Variants in HUNK observed in about 807,000 individuals in gnomAD.
HUNK encodes hormonally up-regulated neu tumor-associated kinase.
In HUNK, 21 loss-of-function variants were observed where a neutral mutation model predicts 61.0. The observed-to-expected ratio is 0.34, with a 90% CI of 0.24 to 0.50. The LOEUF (loss-of-function observed/expected upper bound fraction) is 0.50. Ranked by LOEUF, HUNK falls within the 20% of genes least tolerant of loss-of-function variation. HUNK has a pLI of 0.98. For missense variants in HUNK, 772 were observed against 945.7 expected, an observed-to-expected ratio of 0.82 and a Z score of 2.41; for synonymous variants, 371 against 386.1, an observed-to-expected ratio of 0.96 and a Z score of 0.46.
intron 5 of HUNK, among the ~76,000 whole-genome samples, chr21:31,962,094 G>A (rs1163559141): frequency 6.6e-6 from 1 of 152,222 alleles, no homozygotes; most frequent in Non-Finnish European, 1.5e-5. Context: ...GAAAGGGAAA[G>A]AGAAAGAGAA....
intron 1 of HUNK, among the ~76,000 whole-genome samples, chr21:31,910,635 T>A (rs1271660585): frequency 6.6e-6 from 1 of 152,010 alleles, no homozygotes; most frequent in Admixed American, 6.6e-5. Flanking sequence ...ATTACAGGCA[T>A]GCGCCACCAC....
intron 1 of HUNK, among the ~76,000 whole-genome samples, chr21:31,908,110 T>TA (rs2052520199): frequency 6.6e-6 from 1 of 152,092 alleles, no homozygotes; most frequent in Admixed American, 6.5e-5. Context: ...GACTATTGTA[T>TA]AAAAGCATTT....
At chr21:31,874,337 C>T (rs906029461) in intron 1 of HUNK, among the ~76,000 whole-genome samples, 3 of 39,730 alleles carry the variant, frequency 7.6e-5, no homozygotes, top group Admixed American at 2.2e-4. Flanking sequence ...TGTCGGGGGG[C>T]GGGGGGGGCA....
chr21:31,926,463 C>CG (rs35301828), intron 2 of HUNK, among the ~76,000 whole-genome samples: 45,315 of 151,816 alleles, frequency 0.3, 8,039 homozygotes, highest in African/African-American at 0.5. Context: ...TATTACCCCC[C>CG]GCAAAAGAAA....
intron 3 of HUNK, among the ~76,000 whole-genome samples, chr21:31,945,385 C>T (rs2052795088): frequency 6.6e-6 from 1 of 152,168 alleles, no homozygotes; most frequent in Non-Finnish European, 1.5e-5. Flanking sequence ...CATGAGGTCG[C>T]TTAGTCTAGT....
chr21:31,931,665 A>T (rs2052697352), intron 2 of HUNK, among the ~76,000 whole-genome samples: 1 of 151,066 alleles, frequency 6.6e-6, no homozygotes, highest in African/African-American at 2.4e-5. Flanking sequence ...CAGCCTCCTC[A>T]CTCGGGGTGT....
chr21:31,947,548 C>T (rs1367754583), intron 4 of HUNK, among the ~76,000 whole-genome samples: 1 of 152,224 alleles, frequency 6.6e-6, no homozygotes, highest in Non-Finnish European at 1.5e-5. Flanking sequence ...CTCCTGTCTC[C>T]CCAGCCAGCA....
intron 5 of HUNK, among the ~76,000 whole-genome samples, chr21:31,965,902 A>G (rs930032915): frequency 6.6e-6 from 1 of 151,960 alleles, no homozygotes; most frequent in Non-Finnish European, 1.5e-5. Flanking sequence ...GCTCCTGGCA[A>G]TATTTCCTTT....
Position 31,968,320 on chromosome 21 carries a change from G to T in HUNK, c.945G>T (p.Leu315=). 1.2e-6 allele frequency: 2 copies of T among 1,614,208 alleles called. No homozygotes were observed. Among genetic ancestry groups the T allele is most frequent in the Non-Finnish European group, 1.7e-6 (2 of 1,180,036 alleles). Reference sequence around the variant, plus strand: ...AGAGGCCAAATATTCAGCAGGCACTGGCGAATCGCTGGCTTAATGAGAATT... The same window carrying T: ...AGAGGCCAAATATTCAGCAGGCACTTGCGAATCGCTGGCTTAATGAGAATT... ...PVKRPNIQQA[L]ANRWLNENYT... Residue 315 remains leucine, a synonymous_variant, in exon 6 of 11, where the codon CTG becomes CTT. Coordinates refer to ENST00000270112, the MANE Select transcript of HUNK (RefSeq NM_014586.2).
intron 9 of HUNK, among the ~76,000 whole-genome samples, chr21:31,994,016 G>A (rs1027008045): frequency 3.3e-5 from 5 of 152,184 alleles, no homozygotes; most frequent in South Asian, 2.1e-4. Context: ...GAAAATCCGC[G>A]TTTCCACCGG....
At chr21:31,968,064 G>T (rs547621528) in intron 5 of HUNK, among the ~76,000 whole-genome samples, 186 bp from the exon 6 acceptor site, 1 of 152,238 alleles carries the variant, frequency 6.6e-6, no homozygotes, top group African/African-American at 2.4e-5. Flanking sequence ...CTGAAGGGAG[G>T]TGGGGCTGAA....
intron 4 of HUNK, among the ~76,000 whole-genome samples, chr21:31,947,459 C>T (rs751116859): frequency 2.0e-5 from 3 of 152,362 alleles, no homozygotes; most frequent in African/African-American, 7.2e-5. Flanking sequence ...GGGAGTCCCC[C>T]GTACTCTGTC....
chr21:31,995,652 C>A, intron 9 of HUNK, 116 bp from the exon 10 acceptor site: 2 of 827,418 alleles, frequency 2.4e-6, no homozygotes, highest in Non-Finnish European at 4.0e-6. Flanking sequence ...CAGTTGAGAG[C>A]ATAGAGTATT....
chr21:31,994,930 G>T (rs2053193828), intron 9 of HUNK, among the ~76,000 whole-genome samples: 1 of 152,146 alleles, frequency 6.6e-6, no homozygotes, highest in Admixed American at 6.5e-5. Flanking sequence ...GAGACAGGAG[G>T]GTTGCTTGAG....
chr21:31,919,141 C>T (rs185231905), intron 1 of HUNK, among the ~76,000 whole-genome samples: 2,277 of 70,132 alleles, frequency 0.032, 215 homozygotes, highest in African/African-American at 0.13. Context: ...CTGGACTGAG[C>T]GGTATGAGGA....
chr21:31,960,834 G>A (rs2123842570), intron 5 of HUNK, among the ~76,000 whole-genome samples: 1 of 152,260 alleles, frequency 6.6e-6, no homozygotes, highest in Middle Eastern at 3.4e-3. Flanking sequence ...TTGGGACACA[G>A]CCAAACCATA....
At chr21:31,874,335 G>A (rs2052242370) in intron 1 of HUNK, among the ~76,000 whole-genome samples, 1 of 150,298 alleles carries the variant, frequency 6.7e-6, no homozygotes, top group Non-Finnish European at 1.5e-5. Flanking sequence ...TATGTCGGGG[G>A]GCGGGGGGGG....
Position 31,968,813 on chromosome 21 carries a change from CTG to C in HUNK, c.1010+438_1010+439del, listed in dbSNP as rs758656825. 6.0e-5 allele frequency among the ~76,000 whole-genome samples: 8 copies of C among 133,822 alleles called. No homozygotes were observed. In the East Asian group the frequency reaches 1.4e-3, roughly 23 times the overall value. The allele number at this position is 133,822 out of a possible 152,430, so 87.8% of individuals were successfully genotyped here. Reference sequence around the variant, plus strand: ...GTCTCCATGTGCATGGGTGTTGTGTCTGTGTGTGTGTATGTGTTGTGTGTAAA... The same window carrying C: ...GTCTCCATGTGCATGGGTGTTGTGTCTGTGTGTGTATGTGTTGTGTGTAAA... On this transcript the variant is annotated intron_variant, in intron 6 of 10. Transcript: ENST00000270112.
At position 31,987,527 on chromosome 21, in the gene HUNK, C is replaced by T. The variant is rs115325569; in HGVS notation, c.1258-2602C>T. ...GGCCAGAACTATAGTGGGAAAGGGG[C>T]CCTTCTTTCATCTCGATTCCTTTTC... On this transcript the variant is annotated intron_variant, in intron 8 of 10. Coordinates refer to ENST00000270112, the MANE Select transcript of HUNK (RefSeq NM_014586.2). 4.1e-3 allele frequency among the ~76,000 whole-genome samples: 625 copies of T among 152,310 alleles called. 2 individuals are homozygous for T. The highest frequency in any genetic ancestry group is 0.014 in the African/African-American group (595 of 41,562).
Sources: allele counts gnomAD v4.1 joint callset (sites outside exome capture counted in the v4.1 genomes callset), GRCh38; gene constraint gnomAD v4.1.1; transcripts MANE v1.5; gene names NCBI Gene and HGNC (gene_info 2026-07-23, HGNC 2026-07-21).